DYM: variants seen among roughly 807,000 people sequenced by gnomAD.
DYM encodes the protein dyggve-Melchior-Clausen syndrome protein.
DYM carries 78 observed loss-of-function variants against 93.1 expected under a neutral mutation model. That is an observed-to-expected ratio of 0.84 (90% CI 0.70 to 1.01). DYM has a LOEUF of 1.01. Among genes scored for constraint, DYM ranks in the 50% least tolerant of loss-of-function variants. DYM has a pLI of 0.00. For synonymous variants in DYM, 321 were observed against 319.7 expected (o/e 1.00, Z -0.04); for missense variants, 789 against 845.0 (o/e 0.93, Z 0.82).
intron 3 of DYM, among the ~76,000 whole-genome samples, chr18:49,382,893 T>C (rs1279178745): frequency 6.6e-6 from 1 of 152,230 alleles, no homozygotes. Context: ...ACAGGATTTC[T>C]GTTTGAGATG....
chr18:49,336,335 T>C (rs1009578519), intron 6 of DYM, among the ~76,000 whole-genome samples: 2 of 152,144 alleles, frequency 1.3e-5, no homozygotes, highest in African/African-American at 4.8e-5. Flanking sequence ...CAAAATTAAT[T>C]GGGCCAAACA....
chr18:49,197,364 G>C (rs143216571), intron 14 of DYM, among the ~76,000 whole-genome samples: 44 of 152,134 alleles, frequency 2.9e-4, no homozygotes, highest in Non-Finnish European at 1.6e-4. Context: ...TGGCAAAAGG[G>C]GGGGAAGAAA....
intron 13 of DYM, among the ~76,000 whole-genome samples, chr18:49,255,686 A>G (rs1445963744): frequency 1.4e-4 from 21 of 151,166 alleles, no homozygotes; most frequent in African/African-American, 3.6e-4. Flanking sequence ...AAAAAAAAAA[A>G]AAGAAGAAGA....
chr18:49,306,400 G>A (rs2061277383), intron 8 of DYM, among the ~76,000 whole-genome samples: 1 of 152,182 alleles, frequency 6.6e-6, no homozygotes, highest in Non-Finnish European at 1.5e-5. Flanking sequence ...AGTTGGCTCA[G>A]AAACTCCTTT....
chr18:49,416,932 A>G (rs12456269), intron 2 of DYM, among the ~76,000 whole-genome samples: 1 of 152,074 alleles, frequency 6.6e-6, no homozygotes, highest in East Asian at 1.9e-4. Flanking sequence ...CACCCTTCAG[A>G]GCCCCAGACC....
intron 13 of DYM, among the ~76,000 whole-genome samples, chr18:49,249,650 A>T (rs1250312179): frequency 1.3e-5 from 2 of 151,746 alleles, no homozygotes; most frequent in Non-Finnish European, 2.9e-5. Flanking sequence ...TCAACAACCA[A>T]CTTCTGTTTT....
intron 8 of DYM, among the ~76,000 whole-genome samples, chr18:49,290,820 A>G (rs1209054605): frequency 6.6e-6 from 1 of 152,106 alleles, no homozygotes; most frequent in African/African-American, 2.4e-5. Flanking sequence ...AGAGTCTCAG[A>G]CTTTGTTCAG....
In DYM at chr18:49,097,446, T is replaced by G; in HGVS notation, c.1981A>C (p.Ile661Leu). The stretch of plus-strand genomic sequence containing the variant: ...AGCGCAACGACGCCTTGCTTAATGA[T>G]TTCCAGGACCCGTTCCACTGACAGC... ...AELSVERVLE[I>L]IKQGVVALPK... The change falls in exon 17 of 18, where the codon ATC becomes CTC. Residue 661 changes from isoleucine to leucine, a missense_variant. Physicochemically the swap from Ile to Leu is conservative, Grantham distance 5. Coordinates refer to ENST00000675505, the MANE Select transcript of DYM (RefSeq NM_001353214.3). The G allele has an allele frequency of 1.9e-6, 3 of 1,614,064 alleles. No individual in the cohort carries two copies. The highest frequency in any genetic ancestry group is 2.5e-6 in the Non-Finnish European group (3 of 1,179,950).
intron 13 of DYM, among the ~76,000 whole-genome samples, chr18:49,219,577 C>G (rs1354224704): frequency 3.3e-5 from 5 of 152,118 alleles, no homozygotes; most frequent in African/African-American, 1.2e-4. Context: ...TGGGCTTCAT[C>G]CCTAGGATGC....
intron 1 of DYM, among the ~76,000 whole-genome samples, chr18:49,433,654 G>A (rs1371189682): frequency 4.6e-5 from 7 of 152,064 alleles, no homozygotes; most frequent in Non-Finnish European, 1.0e-4. Flanking sequence ...GATCACTTAA[G>A]GCCAGAAGTT....
At chr18:49,170,780 CAAAAAAAAAAAA>C (rs34297501) in intron 14 of DYM, among the ~76,000 whole-genome samples, 6 of 31,240 alleles carry the variant, frequency 1.9e-4, no homozygotes, top group South Asian at 1.6e-3. Context: ...GACTCCGTCT[CAAAAAAAAAAAA>C]AAAAAAAAAA....
chr18:49,329,744 T>C (rs908386939), intron 8 of DYM: 2 of 152,194 alleles, frequency 1.3e-5, no homozygotes, highest in East Asian at 3.9e-4. Flanking sequence ...ACACATACAA[T>C]GCACACACTG....
chr18:49,145,320 C>G (rs1349227540), intron 15 of DYM, among the ~76,000 whole-genome samples: 1 of 151,496 alleles, frequency 6.6e-6, no homozygotes, highest in Non-Finnish European at 1.5e-5. Flanking sequence ...GTATAGCCTA[C>G]TAGGAATAGT....
intron 2 of DYM, among the ~76,000 whole-genome samples, chr18:49,403,081 CCAA>C (rs1448145953): frequency 6.6e-6 from 1 of 152,090 alleles, no homozygotes; most frequent in Non-Finnish European, 1.5e-5. Context: ...CTCCCCAAAA[CCAA>C]CAAGAAAACC....
intron 15 of DYM, among the ~76,000 whole-genome samples, chr18:49,120,082 AAAAAAAAAAAAAAG>A (rs1309425380): frequency 6.7e-6 from 1 of 150,240 alleles, no homozygotes; most frequent in Non-Finnish European, 1.5e-5. Context: ...CTGTCTCAAA[AAAAAAAAAAAAAAG>A]AAAAAAAAGA....
At chr18:49,234,310 A>C (rs2093796787) in intron 13 of DYM, among the ~76,000 whole-genome samples, 1 of 152,032 alleles carries the variant, frequency 6.6e-6, no homozygotes, top group Admixed American at 6.6e-5. Context: ...GAAAAAAATT[A>C]GTTGGGCATG....
At chr18:49,368,638 G>T (rs893133806) in intron 5 of DYM, 3 of 152,138 alleles carry the variant, frequency 2.0e-5, no homozygotes, top group African/African-American at 2.4e-5. Context: ...AGTCTCTAGG[G>T]CCCAGTTCCA....
chr18:49,143,533 G>A (rs2084759888), intron 15 of DYM, among the ~76,000 whole-genome samples: 1 of 151,984 alleles, frequency 6.6e-6, no homozygotes. Flanking sequence ...GCCGGATATT[G>A]GTCTTATTTA....
intron 13 of DYM, among the ~76,000 whole-genome samples, chr18:49,242,084 C>A (rs747282669): frequency 6.6e-6 from 1 of 152,174 alleles, no homozygotes; most frequent in Non-Finnish European, 1.5e-5. Flanking sequence ...CCCACCCCAC[C>A]ATTCCACTGT....
Sources: allele counts gnomAD v4.1 joint callset (sites outside exome capture counted in the v4.1 genomes callset), GRCh38; gene constraint gnomAD v4.1.1; transcripts MANE v1.5; gene names NCBI Gene and HGNC (gene_info 2026-07-23, HGNC 2026-07-21).